Variants in ZFPM2 observed in about 807,000 individuals in gnomAD.
The protein encoded by ZFPM2 is zinc finger protein, FOG family member 2.
In ZFPM2, 20 loss-of-function variants were observed where a neutral mutation model predicts 98.6. That is an observed-to-expected ratio of 0.20 (90% CI 0.14 to 0.29). The LOEUF is 0.29. Ranked by LOEUF, ZFPM2 falls within the 10% of genes least tolerant of loss-of-function variation. The pLI, the probability that ZFPM2 is intolerant of heterozygous loss-of-function variation, is 1.00. For missense variants in ZFPM2, 1,310 were observed against 1,388.6 expected, an observed-to-expected ratio of 0.94 and a Z score of 0.90; for synonymous variants, 518 against 502.7, an observed-to-expected ratio of 1.03 and a Z score of -0.41.
At chr8:105,635,883 C>G (rs1816838117) in intron 5 of ZFPM2, among the ~76,000 whole-genome samples, 1 of 151,964 alleles carries the variant, frequency 6.6e-6, no homozygotes, top group African/African-American at 2.4e-5. Flanking sequence ...ATCCCTTATC[C>G]AAATTGCTTG....
intron 1 of ZFPM2, among the ~76,000 whole-genome samples, chr8:105,339,467 T>A (rs1812387114): frequency 6.6e-6 from 1 of 151,908 alleles, no homozygotes; most frequent in African/African-American, 2.4e-5. Flanking sequence ...AAATGGAGGC[T>A]GAGAGAAGTG....
rs1816804915 is a variant in ZFPM2, at chr8:105,634,249, A to T, written c.424A>T (p.Thr142Ser). The T allele has an allele frequency of 1.2e-6, 2 of 1,611,100 alleles. No individual in the cohort carries two copies. The highest frequency in any genetic ancestry group is 1.7e-6 in the Non-Finnish European group (2 of 1,178,560). ...KMDLNNNSLK[T>S]KAQVPMVLTA... ...TTTGTTATCATTCTTTCTACAGAAGACAAAGGCTCAGGTCCCAATGGTGCT... is the reference window on the plus strand; with the variant it reads ...TTTGTTATCATTCTTTCTACAGAAGTCAAAGGCTCAGGTCCCAATGGTGCT... Residue 142 changes from threonine to serine, a missense_variant, in exon 5 of 8, where the codon ACA becomes TCA. Transcript: ENST00000407775.
intron 5 of ZFPM2, among the ~76,000 whole-genome samples, chr8:105,786,150 T>A (rs1445820351): frequency 6.7e-6 from 1 of 149,270 alleles, no homozygotes; most frequent in African/African-American, 2.4e-5. Flanking sequence ...CTTTCACACC[T>A]CCTCATTTAT....
intron 5 of ZFPM2, among the ~76,000 whole-genome samples, chr8:105,677,248 T>G (rs1427639558): frequency 6.6e-6 from 1 of 151,964 alleles, no homozygotes; most frequent in Admixed American, 6.6e-5. Context: ...TAATAATGGC[T>G]AATTCTTAAC....
chr8:105,622,612 G>A (rs1330067972), intron 4 of ZFPM2, among the ~76,000 whole-genome samples: 5 of 152,104 alleles, frequency 3.3e-5, no homozygotes, highest in African/African-American at 1.2e-4. Flanking sequence ...CAGGCTGACA[G>A]AGATGCTGAA....
At position 105,452,752 on chromosome 8, in the gene ZFPM2, AAAC is replaced by A. The variant is rs988122119; in HGVS notation, c.301+8386_301+8388del. Among the ~76,000 whole-genome samples the A allele has an allele frequency of 1.7e-3, 259 of 152,074 alleles. 1 individual carries two copies. Among genetic ancestry groups the A allele is most frequent in the African/African-American group, 5.9e-3 (244 of 41,438 alleles). On this transcript the variant is annotated intron_variant, in intron 3 of 7. Coordinates refer to ENST00000407775, the MANE Select transcript of ZFPM2 (RefSeq NM_012082.4). ...GAGCAACAGAATGAGACCCTGTCTC[AAAC>A]AACAACAACAACAAAACAAAACAAA...
At chr8:105,793,363 A>G (rs563848207) in intron 6 of ZFPM2, among the ~76,000 whole-genome samples, 12 of 152,302 alleles carry the variant, frequency 7.9e-5, no homozygotes, top group African/African-American at 2.9e-4. Context: ...TTGGCTGGAT[A>G]TGAAATTCTG....
At chr8:105,785,661 T>C (rs965210079) in intron 5 of ZFPM2, among the ~76,000 whole-genome samples, 6 of 152,164 alleles carry the variant, frequency 3.9e-5, no homozygotes, top group Non-Finnish European at 5.9e-5. Context: ...CCCAGCACTT[T>C]GGGAGGCCAA....
At chr8:105,570,684 G>C (rs1182305689) in intron 4 of ZFPM2, among the ~76,000 whole-genome samples, 1 of 152,030 alleles carries the variant, frequency 6.6e-6, no homozygotes, top group Non-Finnish European at 1.5e-5. Flanking sequence ...ATCTCATCCT[G>C]ACTTACTTTT....
At chr8:105,725,219 A>G (rs1481833747) in intron 5 of ZFPM2, among the ~76,000 whole-genome samples, 1 of 151,744 alleles carries the variant, frequency 6.6e-6, no homozygotes, top group Non-Finnish European at 1.5e-5. Context: ...AGTTTTATCC[A>G]GTTATCTTTG....
intron 5 of ZFPM2, among the ~76,000 whole-genome samples, chr8:105,760,847 C>T (rs1313115645): frequency 6.6e-6 from 1 of 151,958 alleles, no homozygotes; most frequent in Admixed American, 6.6e-5. Context: ...AATGATTGAA[C>T]TAATATTGTT....
chr8:105,664,195 A>C (rs1483512988), intron 5 of ZFPM2, among the ~76,000 whole-genome samples: 1 of 152,202 alleles, frequency 6.6e-6, no homozygotes, highest in East Asian at 1.9e-4. Context: ...GGTCTCTCTT[A>C]TGCATTGGTT....
At chr8:105,632,581 A>G (rs1324708012) in intron 4 of ZFPM2, among the ~76,000 whole-genome samples, 1 of 152,250 alleles carries the variant, frequency 6.6e-6, no homozygotes, top group Non-Finnish European at 1.5e-5. Flanking sequence ...CATTTCATAT[A>G]GAACAAGTTT....
At chr8:105,328,006 C>G (rs893732604) in intron 1 of ZFPM2, among the ~76,000 whole-genome samples, 7 of 151,628 alleles carry the variant, frequency 4.6e-5, no homozygotes, top group Non-Finnish European at 1.0e-4. Context: ...TTTAATAAAA[C>G]CCTGTGAATT....
intron 5 of ZFPM2, among the ~76,000 whole-genome samples, chr8:105,754,929 G>A (rs1291685674): frequency 6.6e-6 from 1 of 150,466 alleles, no homozygotes; most frequent in Admixed American, 6.7e-5. Context: ...TTTTGTGACG[G>A]TCTGGAGAAA....
chr8:105,515,680 A>G (rs1813903665), intron 3 of ZFPM2, among the ~76,000 whole-genome samples: 1 of 152,198 alleles, frequency 6.6e-6, no homozygotes, highest in Non-Finnish European at 1.5e-5. Flanking sequence ...GATGCCCTTC[A>G]GGGTTGCAGG....
chr8:105,495,358 C>T (rs1337372082), intron 3 of ZFPM2, among the ~76,000 whole-genome samples: 1 of 152,154 alleles, frequency 6.6e-6, no homozygotes, highest in East Asian at 1.9e-4. Flanking sequence ...AACAAACCTG[C>T]ACATTGTGCA....
At chr8:105,800,190 A>G (rs547306351) in intron 7 of ZFPM2, among the ~76,000 whole-genome samples, 1 of 152,312 alleles carries the variant, frequency 6.6e-6, no homozygotes, top group Non-Finnish European at 1.5e-5. Context: ...TACCTCTGCC[A>G]TGTTTTCAGC....
At chr8:105,703,481 G>A (rs1811186062) in intron 5 of ZFPM2, among the ~76,000 whole-genome samples, 1 of 152,138 alleles carries the variant, frequency 6.6e-6, no homozygotes, top group African/African-American at 2.4e-5. Context: ...GGCAATCGAG[G>A]TACACAAAGT....
Sources: gnomAD v4.1 joint callset for allele counts (sites outside exome capture counted in the v4.1 genomes callset) on GRCh38, gnomAD v4.1.1 for gene constraint, MANE v1.5 for transcripts, NCBI Gene and HGNC (gene_info 2026-07-23, HGNC 2026-07-21) for gene names.